The following PPP4R1 variants were observed in gnomAD, a reference collection of about 807,000 sequenced individuals.
PPP4R1 encodes the protein serine/threonine-protein phosphatase 4 regulatory subunit 1.
In PPP4R1, 42 loss-of-function variants were observed where a neutral mutation model predicts 111.2. The observed-to-expected ratio is 0.38, with a 90% confidence interval of 0.29 to 0.49. The LOEUF (loss-of-function observed/expected upper bound fraction) is 0.49, where lower values mean the gene tolerates loss of function less well. PPP4R1 is among the 20% of genes least tolerant of loss of function. The pLI is 0.97. For synonymous variants in PPP4R1, 409 were observed against 405.5 expected (o/e 1.01, Z -0.10); for missense variants, 1,012 against 1,161.6 (o/e 0.87, Z 1.87).
chr18:9,584,019 T>G (rs76462290), intron 8 of PPP4R1, among the ~76,000 whole-genome samples: 1 of 152,186 alleles, frequency 6.6e-6, no homozygotes, highest in South Asian at 2.1e-4. Flanking sequence ...TTATGCAATA[T>G]TTCTGGCTAT....
At chr18:9,557,577 G>A (rs1283347582) in intron 14 of PPP4R1, among the ~76,000 whole-genome samples, 195 bp from the exon 15 acceptor site, 2 of 152,188 alleles carry the variant, frequency 1.3e-5, no homozygotes, top group South Asian at 2.1e-4. Flanking sequence ...TCCCTGCCTA[G>A]TACGTATTAT....
intron 12 of PPP4R1, chr18:9,563,037 C>T (rs1350449070): frequency 2.1e-5 from 22 of 1,033,658 alleles, no homozygotes; most frequent in Non-Finnish European, 2.6e-5. Flanking sequence ...CGATCAGAAA[C>T]AAAGCACCTC....
chr18:9,612,996 G>A (rs1158220648), intron 2 of PPP4R1, among the ~76,000 whole-genome samples: 2 of 152,162 alleles, frequency 1.3e-5, no homozygotes, highest in African/African-American at 2.4e-5. Flanking sequence ...AGTTTACTCT[G>A]AGTAAGGGAA....
intron 11 of PPP4R1, among the ~76,000 whole-genome samples, chr18:9,564,708 G>GTGTC (rs1471518769): frequency 6.0e-5 from 3 of 50,228 alleles, no homozygotes; most frequent in African/African-American, 2.2e-4. Context: ...GTGTGTGTGT[G>GTGTC]TGTGTGTGTG....
intron 11 of PPP4R1, 28 bp from the exon 12 acceptor site, chr18:9,563,578 AGT>A: frequency 6.6e-7 from 1 of 1,518,168 alleles, no homozygotes; most frequent in East Asian, 2.3e-5. Context: ...AAATGGACAA[AGT>A]GAGAAACACA....
chr18:9,591,004 G>C (rs1029292133), intron 4 of PPP4R1, among the ~76,000 whole-genome samples: 2 of 152,180 alleles, frequency 1.3e-5, no homozygotes, highest in East Asian at 3.9e-4. Context: ...CTGTAAATCT[G>C]TAAGAAAATG....
At chr18:9,570,045 C>G in intron 11 of PPP4R1, 112 bp downstream of exon 11, 1 of 1,162,366 alleles carries the variant, frequency 8.6e-7, no homozygotes, top group Non-Finnish European at 1.2e-6. Context: ...TCACTGTGCC[C>G]AGTCCATAAT....
chr18:9,580,395 G>A (rs1163475480), intron 9 of PPP4R1, among the ~76,000 whole-genome samples: 5 of 150,766 alleles, frequency 3.3e-5, no homozygotes, highest in African/African-American at 1.2e-4. Flanking sequence ...TATTGCCCAG[G>A]CTGGAGTGCA....
rs1003018456 is a variant in PPP4R1, at chr18:9,547,824, C to T, written c.2818G>A (p.Glu940Lys). The T allele has an allele frequency of 6.8e-6, 11 of 1,613,368 alleles. No homozygotes were observed. The highest frequency in any genetic ancestry group is 1.1e-5 in the South Asian group (1 of 91,036). The change falls in exon 20 of 20, where the codon GAA (glutamate) becomes AAA (lysine). Residue 940 changes from glutamate (E) to lysine (K), a missense_variant. By Grantham distance (56) the Glu-to-Lys change is moderately conservative (BLOSUM62 1). This residue lies in a region of PPP4R1 where 305 missense variants were observed against 419.5 expected (regional missense o/e 0.73). Coordinates refer to ENST00000400556, the MANE Select transcript of PPP4R1 (RefSeq NM_001042388.3). ...SIHPASTKISEDAMSTASSTY is the reference protein window; with the variant it reads ...SIHPASTKISKDAMSTASSTY ...GAGGACGCTGTGCTCATGGCATCTT[C>T]GGAGATTTTGGTACTGGCAGGGTGG...
upstream of PPP4R1, among the ~76,000 whole-genome samples, chr18:9,616,332 A>G (rs2145405061): frequency 6.6e-6 from 1 of 151,690 alleles, no homozygotes; most frequent in Non-Finnish European, 1.5e-5. Flanking sequence ...GTGCAGTGGC[A>G]CAATCATGAC....
chr18:9,562,197 T>C, intron 12 of PPP4R1, 122 bp from the exon 13 acceptor site: 1 of 699,010 alleles, frequency 1.4e-6, no homozygotes, highest in Admixed American at 2.8e-5. Flanking sequence ...ATTCCTCATG[T>C]TTTTAAAAGC....
chr18:9,569,227 T>C (rs1034357828), intron 11 of PPP4R1, among the ~76,000 whole-genome samples: 8 of 150,370 alleles, frequency 5.3e-5, no homozygotes, highest in African/African-American at 2.0e-4. Flanking sequence ...ACCGGAGTCA[T>C]TGAAGTTGGA....
intron 8 of PPP4R1, 74 bp downstream of exon 8, chr18:9,584,441 A>C (rs1274540181): frequency 7.6e-7 from 1 of 1,310,650 alleles, no homozygotes; most frequent in African/African-American, 1.5e-5. Context: ...CTTTGGAGTA[A>C]ATGTGTGCAT....
intron 18 of PPP4R1, chr18:9,549,694 C>T: frequency 2.2e-6 from 1 of 455,408 alleles, no homozygotes; most frequent in African/African-American, 2.0e-5. Flanking sequence ...GTGTAATATG[C>T]AGTGAGGAAC....
At chr18:9,569,271 C>A (rs329001) in intron 11 of PPP4R1, among the ~76,000 whole-genome samples, 120,998 of 151,842 alleles carry the variant, frequency 0.8, 48,291 homozygotes, top group Non-Finnish European at 0.81. Flanking sequence ...TAAATAATAA[C>A]ATTTAAACAG....
chr18:9,549,310 A>T lies in PPP4R1; in HGVS notation c.2576T>A (p.Met859Lys). 6.2e-7 allele frequency: 1 copy of T among 1,610,496 alleles called. No individual in the cohort carries two copies. Among genetic ancestry groups the T allele is most frequent in the Non-Finnish European group, 8.5e-7 (1 of 1,176,834 alleles). The change falls in exon 19 of 20, where the codon ATG (methionine) becomes AAG (lysine). Residue 859 changes from methionine to lysine, a missense_variant. This residue lies in a region of PPP4R1 where 305 missense variants were observed against 419.5 expected (regional missense o/e 0.73). Transcript: ENST00000400556. Reference sequence around the variant, plus strand: ...CATGAGATGCACAGCAAACTGGTCCATGGGAAGGCAGTCATCCTCAATGAC... The same window carrying T: ...CATGAGATGCACAGCAAACTGGTCCTTGGGAAGGCAGTCATCCTCAATGAC... The part of the protein sequence containing the change: ...QTVIEDDCLP[M>K]DQFAVHLMPH...
chr18:9,579,547 T>TGTGC (rs774398529), intron 9 of PPP4R1, among the ~76,000 whole-genome samples: 1 of 150,920 alleles, frequency 6.6e-6, no homozygotes, highest in African/African-American at 2.4e-5. Flanking sequence ...TGTGTGTGTG[T>TGTGC]AAAATAGGCA....
In PPP4R1 at chr18:9,583,234, T is replaced by C. The variant is rs1057115895; in HGVS notation, c.801A>G (p.Gly267=). The C allele has an allele frequency of 6.2e-7, 1 of 1,602,372 alleles. No individual in the cohort carries two copies. Residue 267 remains glycine (G), a synonymous_variant, in exon 9 of 20, where the codon GGA becomes GGG. Coordinates refer to ENST00000400556, the MANE Select transcript of PPP4R1 (RefSeq NM_001042388.3). Reference sequence around the variant, plus strand: ...AGCATTCAGCACAAGCCTTTCGGACTCCCCATACATTATCAGAACAAAGCT... The same window carrying C: ...AGCATTCAGCACAAGCCTTTCGGACCCCCCATACATTATCAGAACAAAGCT... ...FFQLCSDNVW[G]VRKACAECFM...
At chr18:9,603,996 G>C (rs2067436572) in intron 2 of PPP4R1, among the ~76,000 whole-genome samples, 2 of 152,066 alleles carry the variant, frequency 1.3e-5, no homozygotes, top group South Asian at 4.1e-4. Context: ...CTGAATATTT[G>C]TGAGTCTTAA....
Sources: allele counts gnomAD v4.1 joint callset (sites outside exome capture counted in the v4.1 genomes callset), GRCh38; gene constraint gnomAD v4.1.1; regional missense constraint gnomAD v4.1.1; transcripts MANE v1.5; gene names NCBI Gene and HGNC (gene_info 2026-07-23, HGNC 2026-07-21).